The following PTPRD variants were observed in gnomAD, a reference collection of about 807,000 sequenced individuals.
PTPRD encodes receptor-type tyrosine-protein phosphatase delta.
A neutral mutation model predicts 214.5 loss-of-function variants in PTPRD; 34 were observed. The ratio of observed to expected loss-of-function variants is 0.16; its 90% confidence interval spans 0.12 to 0.21. PTPRD has a LOEUF of 0.21. PTPRD is among the 10% of genes least tolerant of loss of function. The pLI is 1.00. For missense variants in PTPRD, 2,545 were observed against 2,398.7 expected, an observed-to-expected ratio of 1.06 and a Z score of -1.27; for synonymous variants, 1,128 against 845.7, an observed-to-expected ratio of 1.33 and a Z score of -5.79.
Position 9,421,740 on chromosome 9 carries a change from T to C in PTPRD, c.-236-24258A>G, listed in dbSNP as rs150533429. Among the ~76,000 whole-genome samples the C allele has an allele frequency of 4.6e-5, 7 of 152,196 alleles. No individual in the cohort carries two copies. In the East Asian group the frequency reaches 1.2e-3, roughly 25 times the overall value. On this transcript the variant is annotated intron_variant, in intron 8 of 45. Coordinates refer to ENST00000381196, the MANE Select transcript of PTPRD (RefSeq NM_002839.4). ...TGCAATACAGTCAGCTGTACCCTTA[T>C]TGAAAAGCTCGTTTGGTATTGTAGC...
At chr9:8,404,375 C>T (rs963453338) in intron 36 of PTPRD, among the ~76,000 whole-genome samples, 162 bp downstream of exon 36, 2 of 152,096 alleles carry the variant, frequency 1.3e-5, no homozygotes, top group Non-Finnish European at 2.9e-5. Flanking sequence ...GCGATCCACC[C>T]GCCTCAGCCT....
At chr9:10,516,035 T>C (rs1279524785) in intron 2 of PTPRD, among the ~76,000 whole-genome samples, 1 of 151,976 alleles carries the variant, frequency 6.6e-6, no homozygotes, top group Non-Finnish European at 1.5e-5. Flanking sequence ...GCAGTGTACA[T>C]GGTAGTGCTA....
intron 8 of PTPRD, among the ~76,000 whole-genome samples, chr9:9,455,756 T>G (rs1011900510): frequency 5.3e-5 from 8 of 151,746 alleles, no homozygotes; most frequent in Non-Finnish European, 7.4e-5. Flanking sequence ...AAACTCTTTT[T>G]GACTTCAATA....
Position 8,821,289 on chromosome 9 carries a change from G to GTC in PTPRD, c.-103-87345_-103-87344dup, listed in dbSNP as rs756513509. On this transcript the variant is annotated intron_variant, in intron 11 of 45. Transcript: ENST00000381196. ...TTTACAGCCACCTCTCTCTCTCTCTGTCTCTCTCTCTCTCTCACATGGTAA... is the reference window on the plus strand; with the variant it reads ...TTTACAGCCACCTCTCTCTCTCTCTGTCTCTCTCTCTCTCTCTCACATGGTAA... Among the ~76,000 whole-genome samples the GTC allele has an allele frequency of 2.4e-3, 360 of 150,028 alleles. 1 individual carries two copies. The highest frequency in any genetic ancestry group is 9.4e-3 in the East Asian group (48 of 5,106).
chr9:8,330,353 C>CCTAATG (rs753840966), intron 44 of PTPRD, among the ~76,000 whole-genome samples: 2 of 152,028 alleles, frequency 1.3e-5, no homozygotes, highest in Non-Finnish European at 2.9e-5. Flanking sequence ...TTTGTTTAGA[C>CCTAATG]CTAATGCTAT....
intron 32 of PTPRD, among the ~76,000 whole-genome samples, chr9:8,461,714 C>T (rs1407972): frequency 0.31 from 46,396 of 151,632 alleles, 8,228 homozygotes; most frequent in African/African-American, 0.5. Flanking sequence ...CTGGCTCTCT[C>T]AATTTTGAAT....
intron 39 of PTPRD, among the ~76,000 whole-genome samples, chr9:8,355,929 CA>C (rs1337104643): frequency 6.6e-6 from 1 of 151,916 alleles, no homozygotes; most frequent in Non-Finnish European, 1.5e-5. Context: ...TAAATACAGA[CA>C]AAAAGGTGCA....
chr9:9,601,109 A>ATGTG (rs1273113716), intron 7 of PTPRD, among the ~76,000 whole-genome samples: 4 of 102,052 alleles, frequency 3.9e-5, no homozygotes, highest in African/African-American at 1.0e-4. Flanking sequence ...AGAGATTAAT[A>ATGTG]TATGTGTGTG....
chr9:10,004,231 A>G (rs1254179841), intron 4 of PTPRD, among the ~76,000 whole-genome samples: 1 of 151,958 alleles, frequency 6.6e-6, no homozygotes, highest in Non-Finnish European at 1.5e-5. Flanking sequence ...TTGTTTTTCC[A>G]GAAGATAAAA....
At chr9:10,063,291 A>G (rs1161392223) in intron 3 of PTPRD, among the ~76,000 whole-genome samples, 1 of 152,124 alleles carries the variant, frequency 6.6e-6, no homozygotes, top group African/African-American at 2.4e-5. Context: ...TGTCAATACC[A>G]GAGAAAATAA....
At chr9:9,559,485 C>T (rs921110180) in intron 8 of PTPRD, among the ~76,000 whole-genome samples, 1 of 152,228 alleles carries the variant, frequency 6.6e-6, no homozygotes, top group Non-Finnish European at 1.5e-5. Flanking sequence ...TTAATAGGCA[C>T]CCCTGGTTAA....
At chr9:9,295,323 A>T (rs1423453075) in intron 9 of PTPRD, among the ~76,000 whole-genome samples, 1 of 151,798 alleles carries the variant, frequency 6.6e-6, no homozygotes, top group Non-Finnish European at 1.5e-5. Flanking sequence ...ATAAGAAGCC[A>T]AATGAGTGAA....
chr9:8,557,912 T>C (rs1280009127), intron 14 of PTPRD, among the ~76,000 whole-genome samples: 2 of 151,816 alleles, frequency 1.3e-5, no homozygotes, highest in Admixed American at 6.6e-5. Context: ...GTAAAGATCA[T>C]TTTCTACTTA....
At chr9:9,572,528 C>T (rs891361970) in intron 8 of PTPRD, among the ~76,000 whole-genome samples, 10 of 146,438 alleles carry the variant, frequency 6.8e-5, no homozygotes, top group African/African-American at 2.5e-4. Context: ...GTTTTAAATC[C>T]TCTATTGGAT....
chr9:10,188,440 A>C (rs531320687), intron 3 of PTPRD, among the ~76,000 whole-genome samples: 7 of 152,280 alleles, frequency 4.6e-5, no homozygotes, highest in Admixed American at 6.5e-5. Flanking sequence ...TGTCTTTCCT[A>C]GACTTAATTT....
At chr9:10,000,365 C>A (rs2096276801) in intron 4 of PTPRD, among the ~76,000 whole-genome samples, 1 of 152,090 alleles carries the variant, frequency 6.6e-6, no homozygotes, top group Admixed American at 6.5e-5. Context: ...TAAAATTTAT[C>A]TCTTTTCACC....
chr9:10,491,290 A>G (rs1006059534), intron 2 of PTPRD, among the ~76,000 whole-genome samples: 1 of 152,152 alleles, frequency 6.6e-6, no homozygotes, highest in Non-Finnish European at 1.5e-5. Context: ...AATGGACAAG[A>G]CCACCTTTCT....
At chr9:8,485,377 T>G in intron 28 of PTPRD, 53 bp from the exon 29 acceptor site, 2 of 1,293,892 alleles carry the variant, frequency 1.5e-6, no homozygotes, top group Non-Finnish European at 2.2e-6. Context: ...ACAGATGACC[T>G]GTCCTTTCCA....
At chr9:10,421,205 G>T (rs967120256) in intron 2 of PTPRD, among the ~76,000 whole-genome samples, 1 of 151,858 alleles carries the variant, frequency 6.6e-6, no homozygotes, top group East Asian at 1.9e-4. Flanking sequence ...ACTTCAGGGG[G>T]TTCTGCACTG....
Sources: gnomAD v4.1 joint callset for allele counts (sites outside exome capture counted in the v4.1 genomes callset) on GRCh38, gnomAD v4.1.1 for gene constraint, MANE v1.5 for transcripts, NCBI Gene and HGNC (gene_info 2026-07-23, HGNC 2026-07-21) for gene names.